Variants in VPS8 observed in about 807,000 individuals in gnomAD.
The protein encoded by VPS8 is vacuolar protein sorting-associated protein 8 homolog.
In VPS8, 129 loss-of-function variants were observed where a neutral mutation model predicts 216.4. The observed-to-expected ratio is 0.60, with a 90% CI of 0.52 to 0.69. The LOEUF is 0.69. Ranked by LOEUF, VPS8 falls within the 30% of genes least tolerant of loss-of-function variation. VPS8 has a pLI of 0.00. For synonymous variants in VPS8, 571 were observed against 565.4 expected (o/e 1.01, Z -0.14); for missense variants, 1,531 against 1,683.5 (o/e 0.91, Z 1.59).
chr3:184,879,368 T>A (rs549058213), intron 21 of VPS8, among the ~76,000 whole-genome samples: 1 of 152,374 alleles, frequency 6.6e-6, no homozygotes, highest in South Asian at 2.1e-4. Context: ...TTCTTTTTTT[T>A]AATTTTGGAG....
At chr3:184,944,152 A>T (rs1743258463) in intron 36 of VPS8, among the ~76,000 whole-genome samples, 2 of 152,146 alleles carry the variant, frequency 1.3e-5, no homozygotes, top group South Asian at 4.1e-4. Context: ...CATCCAGTTG[A>T]ATTTGTGTGG....
intron 37 of VPS8, among the ~76,000 whole-genome samples, chr3:184,959,102 G>A (rs1022159264): frequency 5.3e-5 from 8 of 152,110 alleles, no homozygotes; most frequent in Non-Finnish European, 2.9e-5. Flanking sequence ...TAGTACCTGG[G>A]TATACTCTTT....
At chr3:184,820,696 AACTT>A (rs1249109309) in intron 1 of VPS8, among the ~76,000 whole-genome samples, 20 of 152,136 alleles carry the variant, frequency 1.3e-4, no homozygotes, top group African/African-American at 4.8e-4. Flanking sequence ...GAGTTGGAAA[AACTT>A]ACTGACTAAA....
chr3:184,988,323 A>G (rs1751418787), intron 42 of VPS8, among the ~76,000 whole-genome samples: 1 of 152,142 alleles, frequency 6.6e-6, no homozygotes, highest in Non-Finnish European at 1.5e-5. Context: ...GCTATGATCC[A>G]TTTTGTGTTA....
chr3:184,952,010 A>T (rs943196114), intron 36 of VPS8, among the ~76,000 whole-genome samples: 1 of 152,220 alleles, frequency 6.6e-6, no homozygotes, highest in Non-Finnish European at 1.5e-5. Context: ...TTCTGGAAAG[A>T]ATTAAGTACT....
At chr3:184,974,764 C>T (rs1261165565) in intron 40 of VPS8, among the ~76,000 whole-genome samples, 1 of 152,040 alleles carries the variant, frequency 6.6e-6, no homozygotes, top group African/African-American at 2.4e-5. Context: ...TAGTTTCATT[C>T]TTTGCCATAT....
chr3:184,902,502 T>C (rs750450626), intron 25 of VPS8, among the ~76,000 whole-genome samples: 1 of 138,302 alleles, frequency 7.2e-6, no homozygotes, highest in Non-Finnish European at 1.7e-5. Flanking sequence ...ATCTTATTAA[T>C]TTTTTTTTGT....
intron 7 of VPS8, among the ~76,000 whole-genome samples, chr3:184,841,966 G>A (rs1386024861): frequency 6.6e-6 from 1 of 152,094 alleles, no homozygotes; most frequent in Non-Finnish European, 1.5e-5. Context: ...AGGTGAATGA[G>A]AATAGATGAT....
rs533377043 is a variant in VPS8 at position 184,839,834 on chromosome 3, A to G, written c.535+82A>G. The G allele has an allele frequency of 4.7e-6, 7 of 1,497,652 alleles. No individual in the cohort carries two copies. The Admixed American group carries it at 7.6e-5, about 16-fold the overall frequency. 92.8% of individuals were successfully genotyped at this position (1,497,652 alleles called of 1,614,324 possible). On this transcript the variant is annotated intron_variant, in intron 7 of 47. Coordinates refer to ENST00000625842, the MANE Select transcript of VPS8 (RefSeq NM_001009921.3). ...AATGTCCTTTAATCACAGTTTATAT[A>G]GTGTACTTGATTTTCTTGAACAAAA... is the stretch of plus-strand genomic sequence containing the variant.
chr3:184,963,519 C>T (rs953484186), intron 37 of VPS8, among the ~76,000 whole-genome samples: 19 of 151,962 alleles, frequency 1.3e-4, no homozygotes, highest in Non-Finnish European at 2.9e-5. Flanking sequence ...ACATTGTTTT[C>T]TATGGAGCAA....
In VPS8 at chr3:184,957,497, C is replaced by T; in HGVS notation, c.3159C>T (p.Cys1053=). Residue 1053 remains cysteine (C), a synonymous_variant, in exon 37 of 48, where the codon TGC becomes TGT. Transcript: ENST00000625842. Reference sequence around the variant, plus strand: ...TAGAGACTCTGCAAGTCCTTGAGTGCTACCGTCTGGAAGAAACTATTCAGG... The same window carrying T: ...TAGAGACTCTGCAAGTCCTTGAGTGTTACCGTCTGGAAGAAACTATTCAGG... The part of the protein sequence containing the change: ...QVIETLQVLE[C]YRLEETIQIT... 6 of 1,611,558 alleles carry T rather than the reference C, an allele frequency of 3.7e-6. No individual in the cohort carries two copies. The highest frequency in any genetic ancestry group is 4.2e-6 in the Non-Finnish European group (5 of 1,178,850).
rs1737319766 is a variant in VPS8, at chr3:184,915,190, A to AG, written c.2262+137_2262+138insG. The AG allele has an allele frequency of 4.5e-6, 6 of 1,324,780 alleles. No individual in the cohort carries two copies. The African/African-American group carries it at 8.8e-5, about 19-fold the overall frequency. 82.1% of individuals were successfully genotyped at this position (1,324,780 alleles called of 1,614,324 possible). On this transcript the variant is annotated intron_variant, in intron 27 of 47. Coordinates refer to ENST00000625842, the MANE Select transcript of VPS8 (RefSeq NM_001009921.3). ...GGAGAGAGCTTACACACTATTACTA[A>AG]AGTCAATAATTAGAGCTGAGAAAGA... is the stretch of plus-strand genomic sequence containing the variant.
rs574740351 is a variant in VPS8, at chr3:185,035,302, T to C, written c.4056+10913T>C. ...ATACCAAAATCTGGCAGAGACACGA[T>C]GTAGAAAGAAAACTTCAGGCCAATA... On this transcript the variant is annotated intron_variant, in intron 46 of 47. Coordinates refer to ENST00000625842, the MANE Select transcript of VPS8 (RefSeq NM_001009921.3). 5.9e-5 allele frequency among the ~76,000 whole-genome samples: 9 copies of C among 152,128 alleles called. No homozygotes were observed. The South Asian group carries it at 6.2e-4, about 11-fold the overall frequency.
intron 46 of VPS8, among the ~76,000 whole-genome samples, chr3:185,027,025 A>G (rs1294815787): frequency 1.3e-5 from 2 of 151,256 alleles, no homozygotes; most frequent in African/African-American, 2.4e-5. Context: ...ATTTCCTTAC[A>G]CTATTTACTG....
At chr3:184,890,159 TTATAC>T (rs1325089681) in intron 22 of VPS8, among the ~76,000 whole-genome samples, 1 of 152,236 alleles carries the variant, frequency 6.6e-6, no homozygotes, top group Non-Finnish European at 1.5e-5. Flanking sequence ...GATCCTCTCT[TTATAC>T]TATCCTTTTT....
rs143773791 is a variant in VPS8, at chr3:184,910,352, G to A, written c.2147-3167G>A. ...GTTGCTTTTTCTGTGATGGCCTCCAGCTCTGCTGTGCTTGCCACACAGACA... is the reference window on the plus strand; with the variant it reads ...GTTGCTTTTTCTGTGATGGCCTCCAACTCTGCTGTGCTTGCCACACAGACA... On this transcript the variant is annotated intron_variant, in intron 25 of 47. Coordinates refer to ENST00000625842, the MANE Select transcript of VPS8 (RefSeq NM_001009921.3). 1.1e-4 allele frequency among the ~76,000 whole-genome samples: 17 copies of A among 152,162 alleles called. No individual in the cohort carries two copies. In the East Asian group the frequency reaches 3.3e-3, roughly 30 times the overall value.
Position 184,869,527 on chromosome 3 carries a change from G to T in VPS8, c.1643G>T (p.Arg548Leu). The change falls in exon 20 of 48, where the codon CGG becomes CTG. Residue 548 changes from arginine (R) to leucine (L), a missense_variant and splice_region_variant. Physicochemically the swap from Arg to Leu is moderately radical, Grantham distance 102. Coordinates refer to ENST00000625842, the MANE Select transcript of VPS8 (RefSeq NM_001009921.3). ...AAGCGAAAGGCTATTGTTGCAGACCGGGTGAGTATTTTAAGAGGGTCTTTA... is the reference window on the plus strand; with the variant it reads ...AAGCGAAAGGCTATTGTTGCAGACCTGGTGAGTATTTTAAGAGGGTCTTTA... ...ASKRKAIVADRMVEILFHYAD... is the reference protein window; with the variant it reads ...ASKRKAIVADLMVEILFHYAD... 1 of 1,613,156 alleles carries T rather than the reference G, an allele frequency of 6.2e-7. No homozygotes were observed.
At chr3:184,971,300 G>A (rs1748361919) in intron 39 of VPS8, among the ~76,000 whole-genome samples, 1 of 152,162 alleles carries the variant, frequency 6.6e-6, no homozygotes, top group South Asian at 2.1e-4. Flanking sequence ...CTACATTTAA[G>A]AAATAGGCAG....
At chr3:185,030,282 A>G (rs1009673396) in intron 46 of VPS8, among the ~76,000 whole-genome samples, 1 of 152,224 alleles carries the variant, frequency 6.6e-6, no homozygotes. Flanking sequence ...TGTTCACAGA[A>G]AAGTTGGGTC....
Sources: gnomAD v4.1 joint callset for allele counts (sites outside exome capture counted in the v4.1 genomes callset) on GRCh38, gnomAD v4.1.1 for gene constraint, MANE v1.5 for transcripts, NCBI Gene and HGNC (gene_info 2026-07-23, HGNC 2026-07-21) for gene names.